SP7: variants seen among roughly 807,000 people sequenced by gnomAD.
SP7 encodes the protein Sp7 transcription factor.
Under a neutral mutation model 27.9 loss-of-function variants are expected in SP7, and 13 were observed. The ratio of observed to expected loss-of-function variants is 0.47; its 90% CI spans 0.30 to 0.74. The LOEUF (loss-of-function observed/expected upper bound fraction) is 0.74, where lower values mean the gene tolerates loss of function less well. SP7 is among the 30% of genes least tolerant of loss of function. The pLI, the probability that SP7 is intolerant of heterozygous loss-of-function variation, is 0.06. For missense variants in SP7, 525 were observed against 558.0 expected (o/e 0.94, Z 0.60); for synonymous variants, 219 against 226.7 (o/e 0.97, Z 0.31).
chr12:53,337,927 G>C (rs112391376), upstream of SP7, among the ~76,000 whole-genome samples: 103 of 152,148 alleles, frequency 6.8e-4, 1 homozygote, highest in African/African-American at 2.4e-3. Context: ...CCAGGTATAA[G>C]AGAGAGGAAA....
chr12:53,333,304 G>C (rs770806814), intron 2 of SP7, among the ~76,000 whole-genome samples: 4 of 152,094 alleles, frequency 2.6e-5, no homozygotes, highest in Non-Finnish European at 4.4e-5. Flanking sequence ...TCCCACCTTC[G>C]AGTTGTTCCC....
At chr12:53,339,737 A>AG (rs1384784005), upstream of SP7, among the ~76,000 whole-genome samples, 2 of 147,122 alleles carry the variant, frequency 1.4e-5, no homozygotes, top group African/African-American at 5.0e-5. Flanking sequence ...AAAAAAAAAA[A>AG]AAAGAAAGAA....
At chr12:53,335,811 G>C in intron 1 of SP7, 118 bp from the exon 2 acceptor site, 2 of 1,416,114 alleles carry the variant, frequency 1.4e-6, no homozygotes, top group South Asian at 3.0e-5. Flanking sequence ...CTCTCTGTCT[G>C]TAGGGATCCA....
At chr12:53,340,027 C>T (rs1944808827), upstream of SP7, among the ~76,000 whole-genome samples, 1 of 152,170 alleles carries the variant, frequency 6.6e-6, no homozygotes, top group South Asian at 2.1e-4. Flanking sequence ...TACTTGCACA[C>T]ACACAAGGTG....
At chr12:53,331,470 C>CAAAAAAAAAAA (rs367626786) in intron 2 of SP7, among the ~76,000 whole-genome samples, 1 of 105,360 alleles carries the variant, frequency 9.5e-6, no homozygotes, top group Non-Finnish European at 1.8e-5. Context: ...GACTCCATCT[C>CAAAAAAAAAAA]AAAAAAAAAA....
intron 2 of SP7, among the ~76,000 whole-genome samples, chr12:53,334,364 ACACACACACACT>A (rs1472686831): frequency 7.5e-6 from 1 of 133,408 alleles, no homozygotes; most frequent in Non-Finnish European, 1.8e-5. Flanking sequence ...ACACACACAC[ACACACACACACT>A]CTCAGGGCCT....
Position 53,328,873 on chromosome 12 carries a change from G to T in SP7, c.569C>A (p.Pro190Gln). 1 of 1,607,750 alleles carries T rather than the reference G, an allele frequency of 6.2e-7. No homozygotes were observed. Among genetic ancestry groups the T allele is most frequent in the Non-Finnish European group, 8.5e-7 (1 of 1,175,166 alleles). Reference sequence around the variant, plus strand: ...GTAGGTGGGCAGCTGGGGGTTCAGTGGAGGCTGAGCTGGACCTGTGGGCAG... The same window carrying T: ...GTAGGTGGGCAGCTGGGGGTTCAGTTGAGGCTGAGCTGGACCTGTGGGCAG... ...GTLPTGPAQPPLNPQLPTYPS... is the reference protein window; with the variant it reads ...GTLPTGPAQPQLNPQLPTYPS... Residue 190 changes from proline to glutamine, a missense_variant, in exon 3 of 3, where the codon CCA (proline) becomes CAA (glutamine). By Grantham distance (76) the Pro-to-Gln change is moderately conservative. Coordinates refer to ENST00000536324, the MANE Select transcript of SP7 (RefSeq NM_001173467.3). The surrounding 1 kb of genome is among the most constrained non-coding windows in gnomAD (Gnocchi z 5.1).
At chr12:53,332,591 A>G (rs1047376139) in intron 2 of SP7, among the ~76,000 whole-genome samples, 2 of 152,220 alleles carry the variant, frequency 1.3e-5, no homozygotes, top group African/African-American at 2.4e-5. Context: ...AACAACAGCA[A>G]CAACAAAAAA....
At position 53,342,927 on chromosome 12, in the gene SP7, A is replaced by G. The variant is rs116404859; in HGVS notation, c.-34+2187T>C. ...AAATCTAAGCCAGTGTTGGGGGGGAATTAAGGAAGGCTTCCTGGAAGACAG... is the reference window on the plus strand; with the variant it reads ...AAATCTAAGCCAGTGTTGGGGGGGAGTTAAGGAAGGCTTCCTGGAAGACAG... On this transcript the variant is annotated intron_variant, in intron 1 of 1. Coordinates refer to the SP7 transcript ENST00000547755. Among the ~76,000 whole-genome samples, 698 of 151,984 alleles carry G rather than the reference A, an allele frequency of 4.6e-3. 5 individuals carry two copies. The highest frequency in any genetic ancestry group is 0.015 in the African/African-American group (606 of 41,542).
chr12:53,341,254 C>T (rs1249320977), upstream of SP7, among the ~76,000 whole-genome samples: 3 of 152,192 alleles, frequency 2.0e-5, no homozygotes, highest in East Asian at 1.9e-4. Context: ...TCCCCTCTTC[C>T]CTGAGCCTTG....
Position 53,329,137 on chromosome 12 carries a change from G to A in SP7, c.305C>T (p.Pro102Leu), listed in dbSNP as rs1373093292. 2 of 1,613,882 alleles carry A rather than the reference G, an allele frequency of 1.2e-6. No homozygotes were observed. The highest frequency in any genetic ancestry group is 1.7e-6 in the Non-Finnish European group (2 of 1,179,882). ...YPPFSHSFPG[P>L]TGTQDPGLLV... ...TAGCCCAGGGTCCTGGGTGCCTGTG[G>A]GCCCAGGGAATGAGTGGGAAAAGGG... is the stretch of plus-strand genomic sequence containing the variant. The change falls in exon 3 of 3, where the codon CCC (proline) becomes CTC (leucine). Residue 102 changes from proline (P) to leucine (L), a missense_variant. Pro to Leu is a moderately conservative substitution (Grantham distance 98, BLOSUM62 -3). Transcript: ENST00000536324.
Position 53,329,204 on chromosome 12 carries a change from T to A in SP7, c.238A>T (p.Ser80Cys). The A allele has an allele frequency of 6.2e-7, 1 of 1,613,780 alleles. No individual in the cohort carries two copies. Among genetic ancestry groups the A allele is most frequent in the Non-Finnish European group, 8.5e-7 (1 of 1,179,858 alleles). ...TAGCCTGAGGTGGGTGCTGGAGGAC[T>A]GCCTGCAGGTGAAAGGAGCCCATTA... ...STNGLLSPAGSPPAPTSGYAN... is the reference protein window; with the variant it reads ...STNGLLSPAGCPPAPTSGYAN... Residue 80 changes from serine (S) to cysteine (C), a missense_variant, in exon 3 of 3, where the codon AGT (serine) becomes TGT (cysteine). Physicochemically the swap from Ser to Cys is moderately radical, Grantham distance 112 (BLOSUM62 -1). Coordinates refer to ENST00000536324, the MANE Select transcript of SP7 (RefSeq NM_001173467.3).
intron 1 of SP7, among the ~76,000 whole-genome samples, chr12:53,342,898 G>GAGTA (rs1944835903): frequency 6.6e-6 from 1 of 151,320 alleles, no homozygotes; most frequent in Non-Finnish European, 1.5e-5. Context: ...GGAGACAAAA[G>GAGTA]AGTAAATCTA....
chr12:53,333,780 G>A (rs1006826157), intron 2 of SP7, among the ~76,000 whole-genome samples: 2 of 141,722 alleles, frequency 1.4e-5, no homozygotes, highest in African/African-American at 5.2e-5. Context: ...TCCTGGGGAG[G>A]TGGGGAGGAA....
chr12:53,338,160 G>C (rs1352965746), upstream of SP7, among the ~76,000 whole-genome samples: 1 of 151,502 alleles, frequency 6.6e-6, no homozygotes, highest in Non-Finnish European at 1.5e-5. Context: ...AGGCAGGTGG[G>C]GGGGCGGGGA....
At chr12:53,340,766 C>T (rs1400186679), upstream of SP7, among the ~76,000 whole-genome samples, 6 of 152,070 alleles carry the variant, frequency 3.9e-5, no homozygotes, top group Non-Finnish European at 5.9e-5. Context: ...GAAGAAGGCA[C>T]GCAGAGACAG....
At chr12:53,335,177 G>T (rs1416224320) in intron 2 of SP7, among the ~76,000 whole-genome samples, 3 of 152,092 alleles carry the variant, frequency 2.0e-5, no homozygotes, top group Middle Eastern at 6.8e-3. Context: ...CCAGGAGACG[G>T]GACCCCTAAA....
intron 1 of SP7, among the ~76,000 whole-genome samples, chr12:53,341,848 C>T (rs1295011566): frequency 2.0e-5 from 3 of 152,146 alleles, no homozygotes; most frequent in Admixed American, 6.5e-5. Flanking sequence ...ATCACGAGGT[C>T]AGGAGATCGA....
chr12:53,332,194 G>A (rs1257906166), intron 2 of SP7, among the ~76,000 whole-genome samples: 1 of 152,132 alleles, frequency 6.6e-6, no homozygotes, highest in African/African-American at 2.4e-5. Flanking sequence ...AAGCAGAGAG[G>A]CAGATACCCA....
Sources: allele counts gnomAD v4.1 joint callset (sites outside exome capture counted in the v4.1 genomes callset), GRCh38; gene constraint gnomAD v4.1.1; non-coding constraint Gnocchi (gnomAD v3.1); transcripts MANE v1.5; gene names NCBI Gene and HGNC (gene_info 2026-07-23, HGNC 2026-07-21).